The following DPYD variants were observed in gnomAD, a reference collection of about 807,000 sequenced individuals.
DPYD encodes the protein dihydropyrimidine dehydrogenase [NADP(+)].
In DPYD, 109 loss-of-function variants were observed where a neutral mutation model predicts 116.2. That is an observed-to-expected ratio of 0.94 (90% CI 0.80 to 1.10). The LOEUF (loss-of-function observed/expected upper bound fraction) is 1.10, where lower values mean the gene tolerates loss of function less well. Among genes scored for constraint, DPYD ranks in the 50% least tolerant of loss-of-function variants. The pLI is 0.00. For missense variants in DPYD, 1,302 were observed against 1,254.5 expected (o/e 1.04, Z -0.57); for synonymous variants, 440 against 432.0 (o/e 1.02, Z -0.23).
intron 7 of DPYD, among the ~76,000 whole-genome samples, chr1:97,683,869 A>T (rs1184168170): frequency 6.6e-6 from 1 of 152,098 alleles, no homozygotes; most frequent in Non-Finnish European, 1.5e-5. Flanking sequence ...ACACGGGGGA[A>T]AAAAACCTAC....
intron 16 of DPYD, among the ~76,000 whole-genome samples, chr1:97,361,760 A>T (rs898090506): frequency 6.6e-6 from 1 of 152,258 alleles, no homozygotes; most frequent in African/African-American, 2.4e-5. Flanking sequence ...AACAGCCTTC[A>T]TGCTAAAAAC....
chr1:97,810,503 A>C (rs944825558), intron 3 of DPYD, among the ~76,000 whole-genome samples: 1 of 151,976 alleles, frequency 6.6e-6, no homozygotes, highest in African/African-American at 2.4e-5. Flanking sequence ...ACTAATGTAC[A>C]CTCTCACCAA....
intron 5 of DPYD, among the ~76,000 whole-genome samples, chr1:97,709,194 CT>C (rs1228374523): frequency 6.6e-6 from 1 of 151,686 alleles, no homozygotes; most frequent in African/African-American, 2.4e-5. Context: ...ATCACTTGGA[CT>C]ATTTTAAGAT....
rs575256633 is a variant in DPYD, at chr1:97,323,271, T to C, written c.2059-16974A>G. On this transcript the variant is annotated intron_variant, in intron 16 of 22. Transcript: ENST00000370192. ...TTATATACTTATATACATATGTGTA[T>C]ATGTACACGTATATATACATATGTG... Among the ~76,000 whole-genome samples, 78 of 147,428 alleles carry C rather than the reference T, an allele frequency of 5.3e-4. 3 individuals carry two copies. The highest frequency in any genetic ancestry group is 1.8e-3 in the African/African-American group (73 of 39,516).
At chr1:97,603,139 CAAAAA>C (rs1655371034) in intron 8 of DPYD, among the ~76,000 whole-genome samples, 1 of 151,840 alleles carries the variant, frequency 6.6e-6, no homozygotes, top group Admixed American at 6.6e-5. Context: ...TAAGGGTAAG[CAAAAA>C]TCTCAAACAA....
intron 14 of DPYD, among the ~76,000 whole-genome samples, chr1:97,409,526 T>C (rs1673858639): frequency 6.6e-6 from 1 of 152,210 alleles, no homozygotes; most frequent in South Asian, 2.1e-4. Flanking sequence ...TGAGATGTAA[T>C]TAATGCTTGT....
chr1:97,333,516 G>GTTTTTTTTTT (rs1669129675), intron 16 of DPYD, among the ~76,000 whole-genome samples: 5 of 106,830 alleles, frequency 4.7e-5, no homozygotes, highest in African/African-American at 1.7e-4. Context: ...TAAGTCTTAG[G>GTTTTTTTTTT]ATTTTTTTTT....
At chr1:97,890,023 ACATAT>A (rs1672701688) in intron 1 of DPYD, among the ~76,000 whole-genome samples, 1 of 152,002 alleles carries the variant, frequency 6.6e-6, no homozygotes, top group South Asian at 2.1e-4. Context: ...TACAAATATG[ACATAT>A]TGTTGATACC....
chr1:97,810,881 A>G (rs1282194470), intron 3 of DPYD, among the ~76,000 whole-genome samples: 1 of 152,038 alleles, frequency 6.6e-6, no homozygotes, highest in East Asian at 1.9e-4. Context: ...TAAAGACAAA[A>G]TTTCTCAATG....
intron 11 of DPYD, among the ~76,000 whole-genome samples, chr1:97,565,738 A>G (rs543171508): frequency 1.6e-4 from 24 of 151,744 alleles, no homozygotes; most frequent in African/African-American, 5.8e-4. Flanking sequence ...AAGGGCAATG[A>G]CTCTTTTACT....
intron 14 of DPYD, among the ~76,000 whole-genome samples, chr1:97,426,045 T>G (rs1160228056): frequency 6.6e-6 from 1 of 152,022 alleles, no homozygotes; most frequent in African/African-American, 2.4e-5. Context: ...TTATTTTTCA[T>G]TTTTTCAAAA....
At chr1:97,174,411 C>T (rs1347718689) in intron 20 of DPYD, among the ~76,000 whole-genome samples, 1 of 152,210 alleles carries the variant, frequency 6.6e-6, no homozygotes, top group Non-Finnish European at 1.5e-5. Flanking sequence ...TGTGCCCCTT[C>T]TCTGTTTCTA....
At chr1:97,141,366 C>G (rs1436475449) in intron 20 of DPYD, among the ~76,000 whole-genome samples, 2 of 152,048 alleles carry the variant, frequency 1.3e-5, no homozygotes, top group Non-Finnish European at 2.9e-5. Context: ...TATTACTCCC[C>G]CTATCTACTC....
intron 14 of DPYD, among the ~76,000 whole-genome samples, chr1:97,430,714 T>C (rs774485765): frequency 6.6e-6 from 1 of 152,182 alleles, no homozygotes; most frequent in Non-Finnish European, 1.5e-5. Context: ...GACTGCTGTC[T>C]GGTTAGTAAG....
At chr1:97,143,713 C>G (rs1654398553) in intron 20 of DPYD, among the ~76,000 whole-genome samples, 1 of 152,096 alleles carries the variant, frequency 6.6e-6, no homozygotes, top group Non-Finnish European at 1.5e-5. Context: ...GGCTACTTAG[C>G]TATTTATTAC....
chr1:97,291,848 A>T (rs1377085634), intron 18 of DPYD, among the ~76,000 whole-genome samples: 1 of 152,070 alleles, frequency 6.6e-6, no homozygotes, highest in East Asian at 1.9e-4. Flanking sequence ...AAAATACAAT[A>T]AAATAAACCC....
intron 12 of DPYD, chr1:97,546,102 A>T (rs115138685): frequency 0.018 from 25,661 of 1,427,670 alleles, 319 homozygotes; most frequent in South Asian, 0.027. Flanking sequence ...GGTTAAGTTG[A>T]CAAGGCAAAC....
intron 2 of DPYD, among the ~76,000 whole-genome samples, chr1:97,848,108 T>A (rs1295111395): frequency 1.3e-5 from 2 of 152,098 alleles, no homozygotes; most frequent in African/African-American, 2.4e-5. Context: ...TATCACTTCT[T>A]TTTTTTTGAG....
chr1:97,174,485 G>A (rs1657108795), intron 20 of DPYD, among the ~76,000 whole-genome samples: 1 of 152,140 alleles, frequency 6.6e-6, no homozygotes, highest in South Asian at 2.1e-4. Flanking sequence ...CCAGCTGCTG[G>A]CAAGTTGGCA....
Sources: gnomAD v4.1 joint callset for allele counts (sites outside exome capture counted in the v4.1 genomes callset) on GRCh38, gnomAD v4.1.1 for gene constraint, MANE v1.5 for transcripts, NCBI Gene and HGNC (gene_info 2026-07-23, HGNC 2026-07-21) for gene names.